The following ERBB4 variants were observed in gnomAD, a reference collection of about 807,000 sequenced individuals.
ERBB4 encodes the protein receptor tyrosine-protein kinase erbB-4.
In ERBB4, 42 loss-of-function variants were observed where a neutral mutation model predicts 158.0. That is an observed-to-expected ratio of 0.27 (90% CI 0.21 to 0.34). ERBB4 has a LOEUF of 0.34. Among genes scored for constraint, ERBB4 ranks in the 10% least tolerant of loss-of-function variants. ERBB4 has a pLI of 1.00. For synonymous variants in ERBB4, 583 were observed against 558.7 expected, an observed-to-expected ratio of 1.04 and a Z score of -0.61; for missense variants, 1,333 against 1,624.1, an observed-to-expected ratio of 0.82 and a Z score of 3.08.
intron 16 of ERBB4, among the ~76,000 whole-genome samples, chr2:211,652,716 A>G (rs1045630219): frequency 1.3e-5 from 2 of 152,152 alleles, no homozygotes; most frequent in African/African-American, 4.8e-5. Context: ...TTAGATAGTT[A>G]AACTGAGTCA....
At chr2:211,944,208 A>ATATAG (rs71054152) in intron 3 of ERBB4, among the ~76,000 whole-genome samples, 1 of 19,466 alleles carries the variant, frequency 5.1e-5, no homozygotes, top group African/African-American at 1.7e-4. Context: ...TACTATATAT[A>ATATAG]TATATACACA....
chr2:212,336,930 T>C (rs1055552381), intron 1 of ERBB4, among the ~76,000 whole-genome samples: 1 of 152,092 alleles, frequency 6.6e-6, no homozygotes. Flanking sequence ...CCTGCAATAC[T>C]GCACTTCTTA....
intron 19 of ERBB4, among the ~76,000 whole-genome samples, chr2:211,580,325 A>C (rs896347612): frequency 2.0e-5 from 3 of 152,192 alleles, no homozygotes; most frequent in Non-Finnish European, 4.4e-5. Flanking sequence ...CCTATCAAAA[A>C]CTGGGCTAAG....
chr2:212,285,898 G>A (rs148992241), intron 1 of ERBB4, among the ~76,000 whole-genome samples: 190 of 152,170 alleles, frequency 1.2e-3, no homozygotes, highest in African/African-American at 4.5e-3. Flanking sequence ...TTGGATGATA[G>A]GCCCCTTATT....
At chr2:211,664,066 G>C (rs1354643539) in intron 15 of ERBB4, among the ~76,000 whole-genome samples, 1 of 152,128 alleles carries the variant, frequency 6.6e-6, no homozygotes, top group Non-Finnish European at 1.5e-5. Context: ...CTTCCAAGGT[G>C]AATTTGAATT....
At chr2:211,702,625 T>C (rs2073293568) in intron 11 of ERBB4, among the ~76,000 whole-genome samples, 1 of 152,164 alleles carries the variant, frequency 6.6e-6, no homozygotes, top group Admixed American at 6.5e-5. Flanking sequence ...TATAGGTATT[T>C]AGCTTTAATT....
intron 1 of ERBB4, among the ~76,000 whole-genome samples, chr2:212,500,133 A>G (rs1690805251): frequency 6.6e-6 from 1 of 152,092 alleles, no homozygotes; most frequent in Admixed American, 6.6e-5. Flanking sequence ...CTTACTTTTT[A>G]TTGATCAAAT....
intron 2 of ERBB4, among the ~76,000 whole-genome samples, chr2:212,086,936 G>A (rs369512714): frequency 1.3e-5 from 2 of 151,886 alleles, no homozygotes; most frequent in South Asian, 4.2e-4. Flanking sequence ...TTACTGGGAG[G>A]CTTCCAACAG....
chr2:211,946,798 C>T (rs1460802769), intron 3 of ERBB4, among the ~76,000 whole-genome samples: 1 of 151,620 alleles, frequency 6.6e-6, no homozygotes, highest in Non-Finnish European at 1.5e-5. Context: ...TAGCAAGAAC[C>T]AGCTTACAAA....
chr2:212,122,309 G>A (rs1310620551), intron 2 of ERBB4, among the ~76,000 whole-genome samples: 1 of 151,958 alleles, frequency 6.6e-6, no homozygotes, highest in Non-Finnish European at 1.5e-5. Context: ...GATTAGAAAG[G>A]TGTAATACAT....
chr2:211,771,365 G>C (rs1047438212), intron 4 of ERBB4, among the ~76,000 whole-genome samples: 1 of 152,200 alleles, frequency 6.6e-6, no homozygotes, highest in African/African-American at 2.4e-5. Context: ...AGTGGAAACT[G>C]AATCTAAACA....
At position 212,503,539 on chromosome 2, in the gene ERBB4, A is replaced by G. The variant is rs1156401818; in HGVS notation, c.82+34910T>C. 2.0e-5 allele frequency among the ~76,000 whole-genome samples: 3 copies of G among 152,158 alleles called. No individual in the cohort carries two copies. In the East Asian group the frequency reaches 5.8e-4, roughly 29 times the overall value. ...GATATCTAGATACTTTTTGTTACCAAATTCAGGTGTCAGGAATAATAAAGG... is the reference window on the plus strand; with the variant it reads ...GATATCTAGATACTTTTTGTTACCAGATTCAGGTGTCAGGAATAATAAAGG... On this transcript the variant is annotated intron_variant, in intron 1 of 27. Coordinates refer to ENST00000342788, the MANE Select transcript of ERBB4 (RefSeq NM_005235.3).
chr2:211,936,015 A>G (rs1358613400), intron 3 of ERBB4, among the ~76,000 whole-genome samples: 3 of 152,146 alleles, frequency 2.0e-5, no homozygotes, highest in Non-Finnish European at 4.4e-5. Context: ...AAAGGCACAA[A>G]GCCTAAATGA....
At chr2:212,474,460 T>C (rs1299757210) in intron 1 of ERBB4, among the ~76,000 whole-genome samples, 4 of 152,130 alleles carry the variant, frequency 2.6e-5, no homozygotes, top group Non-Finnish European at 5.9e-5. Context: ...CAGCATGGTA[T>C]GGTATTAGTA....
rs1378016597 is a variant in ERBB4 at position 212,537,965 on chromosome 2, A to G, written c.82+484T>C. ...GGCGCAGCGGTCGCCAGCAGCACAC[A>G]CAGGTGCAAAGCCCGATTTTCTGAG... On this transcript the variant is annotated intron_variant, in intron 1 of 27. Coordinates refer to ENST00000342788, the MANE Select transcript of ERBB4 (RefSeq NM_005235.3). 3.9e-5 allele frequency among the ~76,000 whole-genome samples: 6 copies of G among 152,216 alleles called. No individual in the cohort carries two copies. The East Asian group carries it at 1.2e-3, about 30-fold the overall frequency.
At chr2:211,698,611 T>C (rs1203792082) in intron 12 of ERBB4, among the ~76,000 whole-genome samples, 1 of 151,948 alleles carries the variant, frequency 6.6e-6, no homozygotes, top group Non-Finnish European at 1.5e-5. Context: ...AATAAAAATA[T>C]TTTTATTTTG....
intron 1 of ERBB4, among the ~76,000 whole-genome samples, chr2:212,464,430 T>C (rs937342959): frequency 3.9e-5 from 6 of 152,146 alleles, no homozygotes; most frequent in Admixed American, 2.6e-4. Flanking sequence ...TTTTGTTTTA[T>C]ACATTTGTAA....
chr2:211,688,926 G>T (rs2072686401), intron 12 of ERBB4, among the ~76,000 whole-genome samples: 2 of 152,020 alleles, frequency 1.3e-5, no homozygotes, highest in Non-Finnish European at 2.9e-5. Context: ...CTCATAGTTT[G>T]CAGGTTTTAC....
intron 1 of ERBB4, among the ~76,000 whole-genome samples, chr2:212,489,731 ATATAT>A (rs1690170313): frequency 6.6e-6 from 1 of 151,266 alleles, no homozygotes; most frequent in Non-Finnish European, 1.5e-5. Context: ...ACATATATAT[ATATAT>A]TATTCTATAG....
Sources: gnomAD v4.1 joint callset for allele counts (sites outside exome capture counted in the v4.1 genomes callset) on GRCh38, gnomAD v4.1.1 for gene constraint, MANE v1.5 for transcripts, NCBI Gene and HGNC (gene_info 2026-07-23, HGNC 2026-07-21) for gene names.